SLC35H1: variants seen among roughly 807,000 people sequenced by gnomAD.
SLC35H1 encodes ovarian cancer-overexpressed gene 1 protein.
chr20:46,356,706 T>G, the SLC35H1 span: 1 of 1,456,016 alleles, frequency 6.9e-7, no homozygotes. Flanking sequence ...GCTGGTACCC[T>G]GAGGCACCTG....
chr20:46,357,510 G>A, the SLC35H1 span: 11 of 1,279,294 alleles, frequency 8.6e-6, no homozygotes, highest in Non-Finnish European at 1.2e-5. Context: ...GAGGAACAGT[G>A]CAGGAAGAGG....
chr20:46,358,289 T>C, the SLC35H1 span: 62 of 1,143,824 alleles, frequency 5.4e-5, no homozygotes, highest in African/African-American at 3.6e-4. Context: ...GTTAGACTGG[T>C]TGAAGCTTGT....
chr20:46,359,996 C>T, the SLC35H1 span, among the ~76,000 whole-genome samples: 1 of 152,222 alleles, frequency 6.6e-6, no homozygotes, highest in Non-Finnish European at 1.5e-5. Flanking sequence ...CAGTTGTCTT[C>T]AGAGGAGCTT....
chr20:46,354,918 A>C, the SLC35H1 span: 1 of 1,613,232 alleles, frequency 6.2e-7, no homozygotes, highest in Non-Finnish European at 8.5e-7. Flanking sequence ...AGCCCCAGGA[A>C]CATGAGTGGC....
the SLC35H1 span, chr20:46,349,903 T>TCCCCTCCCTGC: frequency 6.6e-6 from 1 of 152,372 alleles, no homozygotes; most frequent in Admixed American, 6.5e-5. Flanking sequence ...GCCCACACTG[T>TCCCCTCCCTGC]CCCCTCCCTG....
At chr20:46,354,404 G>C in the SLC35H1 span, among the ~76,000 whole-genome samples, 1 of 152,062 alleles carries the variant, frequency 6.6e-6, no homozygotes, top group Non-Finnish European at 1.5e-5. Flanking sequence ...CAGCATCTTG[G>C]AACAATCCCT....
the SLC35H1 span, chr20:46,356,667 C>T: frequency 7.7e-5 from 124 of 1,605,980 alleles, no homozygotes; most frequent in Middle Eastern, 1.6e-4. Flanking sequence ...CACAGGACAG[C>T]TTGGGAGGTC....
At chr20:46,356,888 C>T in the SLC35H1 span, among the ~76,000 whole-genome samples, 939 of 152,332 alleles carry the variant, frequency 6.2e-3, 8 homozygotes, top group African/African-American at 0.021. Flanking sequence ...ACAAACACTC[C>T]GGCGAGCCCC....
the SLC35H1 span, chr20:46,351,922 C>T: frequency 1.0e-6 from 1 of 984,078 alleles, no homozygotes; most frequent in South Asian, 1.7e-5. Flanking sequence ...GTGCCTGGCA[C>T]CTAATGGGGC....
chr20:46,349,958 C>G, the SLC35H1 span: 2 of 153,196 alleles, frequency 1.3e-5, no homozygotes, highest in African/African-American at 4.8e-5. Flanking sequence ...GACCGTGAAC[C>G]ATTTATTTCC....
At chr20:46,354,860 T>G in the SLC35H1 span, 1 of 1,571,942 alleles carries the variant, frequency 6.4e-7, no homozygotes, top group Admixed American at 1.9e-5. Flanking sequence ...GAGGTGCCCT[T>G]GAGAGGGAAG....
chr20:46,362,728 C>T, the SLC35H1 span, among the ~76,000 whole-genome samples: 1 of 152,222 alleles, frequency 6.6e-6, no homozygotes, highest in Non-Finnish European at 1.5e-5. Flanking sequence ...CAATGAGTCA[C>T]CACACCCTCC....
chr20:46,353,156 A>T, the SLC35H1 span: 1 of 152,164 alleles, frequency 6.6e-6, no homozygotes, highest in Non-Finnish European at 1.5e-5. Context: ...TTGGGCTGAG[A>T]TGTGTCCCCT....
chr20:46,361,951 C>T, the SLC35H1 span, among the ~76,000 whole-genome samples: 9 of 152,186 alleles, frequency 5.9e-5, no homozygotes, highest in African/African-American at 1.9e-4. Flanking sequence ...CACTGCAACA[C>T]CGCAACACCC....
At chr20:46,356,498 G>C in the SLC35H1 span, 1 of 1,459,936 alleles carries the variant, frequency 6.8e-7, no homozygotes, top group East Asian at 2.4e-5. Flanking sequence ...CCTAGCAGCC[G>C]GGTGTGCAGA....
chr20:46,349,052 C>G, the SLC35H1 span: 3 of 152,228 alleles, frequency 2.0e-5, no homozygotes, highest in African/African-American at 7.2e-5. Flanking sequence ...TATCCTTGTC[C>G]CCACCCATGG....
At chr20:46,358,586 G>T in the SLC35H1 span, 1 of 1,606,778 alleles carries the variant, frequency 6.2e-7, no homozygotes, top group Non-Finnish European at 8.5e-7. Context: ...GGAAGAGCCG[G>T]TGGAGTTAGA....
chr20:46,350,503 A>C, the SLC35H1 span: 1 of 1,609,130 alleles, frequency 6.2e-7, no homozygotes, highest in African/African-American at 1.3e-5. Context: ...CAGCCCCTTC[A>C]AGGCCTTGGG....
At chr20:46,350,591 T>G in the SLC35H1 span, 1 of 1,537,418 alleles carries the variant, frequency 6.5e-7, no homozygotes, top group Non-Finnish European at 8.8e-7. Flanking sequence ...CTGATTTGCA[T>G]GTGTGCTGAG....
Sources: allele counts gnomAD v4.1 joint callset (sites outside exome capture counted in the v4.1 genomes callset), GRCh38; gene constraint gnomAD v4.1.1; transcripts MANE v1.5; gene names NCBI Gene and HGNC (gene_info 2026-07-23, HGNC 2026-07-21).